The following SH3RF3 variants were observed in gnomAD, a reference collection of about 807,000 sequenced individuals.
SH3RF3 encodes the protein E3 ubiquitin-protein ligase SH3RF3.
A neutral mutation model predicts 66.3 loss-of-function variants in SH3RF3; 29 were observed. That is an observed-to-expected ratio of 0.44 (90% confidence interval 0.33 to 0.60). The LOEUF is 0.60. Ranked by LOEUF, SH3RF3 falls within the 20% of genes least tolerant of loss-of-function variation. The pLI is 0.04. For synonymous variants in SH3RF3, 583 were observed against 532.0 expected (o/e 1.10, Z -1.32); for missense variants, 1,194 against 1,190.9 (o/e 1.00, Z -0.04).
At chr2:109,259,301 C>T (rs562996091) in intron 1 of SH3RF3, among the ~76,000 whole-genome samples, 2 of 152,314 alleles carry the variant, frequency 1.3e-5, no homozygotes, top group East Asian at 3.9e-4. Context: ...TCTGAGTGTG[C>T]AGAGGCCTGG....
At chr2:109,497,815 A>T (rs1679292480) in intron 9 of SH3RF3, among the ~76,000 whole-genome samples, 1 of 152,260 alleles carries the variant, frequency 6.6e-6, no homozygotes, top group African/African-American at 2.4e-5. Context: ...TTATATTTTT[A>T]AAGCTGCTTG....
chr2:109,171,713 GC>G (rs1308324043), intron 1 of SH3RF3, among the ~76,000 whole-genome samples: 2 of 152,246 alleles, frequency 1.3e-5, no homozygotes, highest in Admixed American at 6.5e-5. Flanking sequence ...CCTTCCAGAG[GC>G]CCAGCCCCTG....
Position 109,357,221 on chromosome 2 carries a change from G to A in SH3RF3, c.849+9272G>A, listed in dbSNP as rs892489884. Among the ~76,000 whole-genome samples, 5 of 150,544 alleles carry A rather than the reference G, an allele frequency of 3.3e-5. 1 individual carries two copies. Among genetic ancestry groups the A allele is most frequent in the African/African-American group, 9.8e-5 (4 of 40,890 alleles). ...TTTTGAGACGGAGTCTTACTCTGTCGCCCAGGCTGGAGTGCAGTGGCACGA... is the reference window on the plus strand; with the variant it reads ...TTTTGAGACGGAGTCTTACTCTGTCACCCAGGCTGGAGTGCAGTGGCACGA... On this transcript the variant is annotated intron_variant, in intron 2 of 9. Transcript: ENST00000309415.
intron 1 of SH3RF3, among the ~76,000 whole-genome samples, chr2:109,302,826 T>C (rs1574560832): frequency 6.6e-6 from 1 of 152,330 alleles, no homozygotes; most frequent in Middle Eastern, 3.4e-3. Context: ...GACATTCTAG[T>C]GATCTCTACA....
chr2:109,398,840 A>G lies in SH3RF3; in HGVS notation c.1196A>G (p.His399Arg). The change falls in exon 4 of 10, where the codon CAT becomes CGT. Residue 399 changes from histidine to arginine, a missense_variant. Transcript: ENST00000309415. ...HRSSQAASHRHSMEISAPVLI... is the reference protein window; with the variant it reads ...HRSSQAASHRRSMEISAPVLI... ...TCCTCCCAGGCTGCCAGCCACAGGC[A>G]TTCCATGGAAATTAGTGCTCCAGTG... 1.2e-6 allele frequency: 2 copies of G among 1,613,950 alleles called. No homozygotes were observed. Among genetic ancestry groups the G allele is most frequent in the Non-Finnish European group, 1.7e-6 (2 of 1,179,894 alleles).
chr2:109,469,854 G>A (rs765837909), intron 8 of SH3RF3, among the ~76,000 whole-genome samples: 1 of 152,170 alleles, frequency 6.6e-6, no homozygotes, highest in Admixed American at 6.5e-5. Flanking sequence ...TGCAGCTTGG[G>A]GCCAGGCGTT....
intron 4 of SH3RF3, 94 bp from the exon 5 acceptor site, chr2:109,419,445 C>A: frequency 7.6e-7 from 1 of 1,309,822 alleles, no homozygotes; most frequent in Non-Finnish European, 1.1e-6. Flanking sequence ...TGGCGAAGCA[C>A]AGGCACCTGT....
chr2:109,271,285 C>T (rs1177649413), intron 1 of SH3RF3, among the ~76,000 whole-genome samples: 1 of 152,186 alleles, frequency 6.6e-6, no homozygotes, highest in Non-Finnish European at 1.5e-5. Context: ...AGTCTCCTAC[C>T]TTGTTTGGTG....
intron 8 of SH3RF3, among the ~76,000 whole-genome samples, chr2:109,466,487 C>T (rs1490243279): frequency 6.6e-6 from 1 of 152,080 alleles, no homozygotes; most frequent in Non-Finnish European, 1.5e-5. Flanking sequence ...TTTAGATATA[C>T]CACAGTGGTC....
intron 3 of SH3RF3, among the ~76,000 whole-genome samples, 158 bp downstream of exon 3, chr2:109,371,839 A>G (rs1416438821): frequency 6.6e-6 from 1 of 152,040 alleles, no homozygotes; most frequent in African/African-American, 2.4e-5. Context: ...GCTTTGATTC[A>G]CCTCATGGGG....
intron 2 of SH3RF3, among the ~76,000 whole-genome samples, chr2:109,353,663 T>G (rs923842620): frequency 1.3e-5 from 2 of 152,140 alleles, no homozygotes; most frequent in African/African-American, 4.8e-5. Context: ...CCTTCACTCT[T>G]CAGATGTTTA....
intron 1 of SH3RF3, among the ~76,000 whole-genome samples, chr2:109,218,499 A>G (rs1679153635): frequency 6.6e-6 from 1 of 152,210 alleles, no homozygotes; most frequent in Non-Finnish European, 1.5e-5. Context: ...TTAGGCAGAA[A>G]TAGAAGAGCA....
At chr2:109,238,749 C>T (rs1679707420) in intron 1 of SH3RF3, among the ~76,000 whole-genome samples, 1 of 152,184 alleles carries the variant, frequency 6.6e-6, no homozygotes, top group African/African-American at 2.4e-5. Flanking sequence ...GCAGCTGCTA[C>T]ATGCTTGCAT....
chr2:109,137,351 C>T (rs1028769737), intron 1 of SH3RF3, among the ~76,000 whole-genome samples: 5 of 152,226 alleles, frequency 3.3e-5, no homozygotes, highest in African/African-American at 1.2e-4. Flanking sequence ...GTCCATCCCA[C>T]AGCTGGAGGC....
At chr2:109,192,280 A>C (rs1436014966) in intron 1 of SH3RF3, among the ~76,000 whole-genome samples, 1 of 152,222 alleles carries the variant, frequency 6.6e-6, no homozygotes. Flanking sequence ...TGTTTGGAGA[A>C]ATCGTGGCTT....
chr2:109,470,202 G>A (rs189552645), intron 8 of SH3RF3, among the ~76,000 whole-genome samples: 171 of 152,286 alleles, frequency 1.1e-3, no homozygotes, highest in Non-Finnish European at 1.8e-3. Context: ...ACCTCACTAC[G>A]TAAAGAGATG....
chr2:109,376,974 G>C (rs747719830), intron 3 of SH3RF3, among the ~76,000 whole-genome samples: 3 of 152,232 alleles, frequency 2.0e-5, no homozygotes, highest in African/African-American at 7.2e-5. Flanking sequence ...CACCTGTCCC[G>C]GCAGCCAGCA....
intron 1 of SH3RF3, among the ~76,000 whole-genome samples, chr2:109,239,366 C>A (rs1679725005): frequency 6.6e-6 from 1 of 152,158 alleles, no homozygotes; most frequent in South Asian, 2.1e-4. Context: ...CCAAAGTAGT[C>A]ATTTCTTTCT....
At chr2:109,209,349 C>G (rs142058397) in intron 1 of SH3RF3, among the ~76,000 whole-genome samples, 1 of 152,220 alleles carries the variant, frequency 6.6e-6, no homozygotes, top group East Asian at 1.9e-4. Flanking sequence ...TGCTGGCAAA[C>G]GTTTAACAGT....
Sources: allele counts gnomAD v4.1 joint callset (sites outside exome capture counted in the v4.1 genomes callset), GRCh38; gene constraint gnomAD v4.1.1; transcripts MANE v1.5; gene names NCBI Gene and HGNC (gene_info 2026-07-23, HGNC 2026-07-21).